The following FBXO21 variants were observed in gnomAD, a reference collection of about 807,000 sequenced individuals.
FBXO21 encodes the protein F-box protein 21.
FBXO21 carries 32 observed loss-of-function variants against 76.6 expected under a neutral mutation model. The ratio of observed to expected loss-of-function variants is 0.42; its 90% CI spans 0.32 to 0.56. FBXO21 has a LOEUF of 0.56. Among genes scored for constraint, FBXO21 ranks in the 20% least tolerant of loss-of-function variants. FBXO21 has a pLI of 0.16. For missense variants in FBXO21, 586 were observed against 797.3 expected, an observed-to-expected ratio of 0.73 and a Z score of 3.19; for synonymous variants, 328 against 311.5, an observed-to-expected ratio of 1.05 and a Z score of -0.56.
At chr12:117,173,274 G>A (rs1469135664) in intron 6 of FBXO21, among the ~76,000 whole-genome samples, 1 of 152,014 alleles carries the variant, frequency 6.6e-6, no homozygotes, top group African/African-American at 2.4e-5. Flanking sequence ...CAGGTGATCC[G>A]CCCACCTCGG....
At chr12:117,166,620 G>C (rs1465775133) in intron 8 of FBXO21, among the ~76,000 whole-genome samples, 1 of 152,178 alleles carries the variant, frequency 6.6e-6, no homozygotes, top group East Asian at 1.9e-4. Flanking sequence ...TTAGAAACAA[G>C]ACAGTTTCAT....
Position 117,182,152 on chromosome 12 carries a change from T to C in FBXO21, c.470+4325A>G, listed in dbSNP as rs553050233. ...GAATGAAAACAAACAGGGTCTTCCA[T>C]GAAAACTGGTATCCCAAAATATTTT... On this transcript the variant is annotated intron_variant, in intron 3 of 11. Coordinates refer to ENST00000622495, the MANE Select transcript of FBXO21 (RefSeq NM_015002.3). Among the ~76,000 whole-genome samples, 280 of 152,328 alleles carry C rather than the reference T, an allele frequency of 1.8e-3. 1 individual carries two copies. The highest frequency in any genetic ancestry group is 2.9e-3 in the Admixed American group (45 of 15,294).
At position 117,174,318 on chromosome 12, in the gene FBXO21, T is replaced by C; in HGVS notation, c.763A>G (p.Ile255Val). Reference protein sequence around the residue: ...KAGESSMIMEIELQSQVLDAM... With the variant: ...KAGESSMIMEVELQSQVLDAM... The stretch of plus-strand genomic sequence containing the variant: ...TCCAGCACCTGGCTCTGGAGTTCTA[T>C]TTCCATTATCATGGATGATTCACCT... The change falls in exon 6 of 12, where the codon ATA (isoleucine) becomes GTA (valine). Residue 255 changes from isoleucine (I) to valine (V), a missense_variant. Ile to Val is a conservative substitution (Grantham distance 29). Around this residue, in one of 6 missense-constraint regions of FBXO21, gnomAD observed 246 missense variants for 356.8 expected, o/e 0.69. Coordinates refer to ENST00000622495, the MANE Select transcript of FBXO21 (RefSeq NM_015002.3). 1.2e-6 allele frequency: 2 copies of C among 1,614,070 alleles called. No homozygotes were observed. The highest frequency in any genetic ancestry group is 1.7e-5 in the Admixed American group (1 of 60,008).
Position 117,144,060 on chromosome 12 carries a change from T to C in FBXO21, c.*2027A>G, listed in dbSNP as rs949395256. 6.6e-6 allele frequency: 1 copy of C among 152,566 alleles called. No individual in the cohort carries two copies. The highest frequency in any genetic ancestry group is 2.4e-5 in the African/African-American group (1 of 41,432). 9.5% of individuals were successfully genotyped at this position (152,566 alleles called of 1,614,324 possible). On this transcript the variant is annotated 3_prime_UTR_variant, in exon 12 of 12. Coordinates refer to ENST00000622495, the MANE Select transcript of FBXO21 (RefSeq NM_015002.3). Reference sequence around the variant, plus strand: ...GTGATACAGGCTTCCTGGAGCCCCATGAAGCATTCATGAAGAAAGACATTT... The same window carrying C: ...GTGATACAGGCTTCCTGGAGCCCCACGAAGCATTCATGAAGAAAGACATTT...
At chr12:117,175,629 T>A (rs893725530) in intron 4 of FBXO21, among the ~76,000 whole-genome samples, 2 of 152,188 alleles carry the variant, frequency 1.3e-5, no homozygotes, top group Non-Finnish European at 2.9e-5. Flanking sequence ...CCAGGGACTG[T>A]CTCCTCGGCC....
intron 6 of FBXO21, among the ~76,000 whole-genome samples, chr12:117,173,622 T>G (rs1293542641): frequency 6.6e-6 from 1 of 152,206 alleles, no homozygotes; most frequent in African/African-American, 2.4e-5. Context: ...TTTTACAGTT[T>G]AGTGTTCACA....
At chr12:117,171,091 C>T (rs775623138) in intron 7 of FBXO21, among the ~76,000 whole-genome samples, 3 of 152,176 alleles carry the variant, frequency 2.0e-5, no homozygotes, top group Admixed American at 6.5e-5. Flanking sequence ...CAGCCAGGCG[C>T]GGTGGCTCAC....
chr12:117,188,475 T>A (rs946495530), intron 2 of FBXO21, among the ~76,000 whole-genome samples: 15 of 151,194 alleles, frequency 9.9e-5, no homozygotes, highest in African/African-American at 3.2e-4. Context: ...AGCCCAGGAG[T>A]AGGAGGTTGC....
In FBXO21 at chr12:117,148,549, G is replaced by T. The variant is rs553833494; in HGVS notation, c.1676-2272C>A. ...TGGATCAGGGGTTGCTCCATGACGTGGCACAGTGGCACAGAGTTTAAACTG... is the reference window on the plus strand; with the variant it reads ...TGGATCAGGGGTTGCTCCATGACGTTGCACAGTGGCACAGAGTTTAAACTG... On this transcript the variant is annotated intron_variant, in intron 11 of 11. Coordinates refer to ENST00000622495, the MANE Select transcript of FBXO21 (RefSeq NM_015002.3). Among the ~76,000 whole-genome samples the T allele has an allele frequency of 1.2e-3, 184 of 152,352 alleles. 1 individual carries two copies. Among genetic ancestry groups the T allele is most frequent in the Non-Finnish European group, 1.7e-3 (117 of 68,036 alleles).
At chr12:117,150,364 G>A (rs184226823) in intron 11 of FBXO21, among the ~76,000 whole-genome samples, 95 of 152,310 alleles carry the variant, frequency 6.2e-4, no homozygotes, top group South Asian at 3.7e-3. Flanking sequence ...CTACCCATGA[G>A]TCCTGTGTGG....
rs1377458807 is a variant in FBXO21 at position 117,144,966 on chromosome 12, A to G, written c.*1121T>C. On this transcript the variant is annotated 3_prime_UTR_variant, in exon 12 of 12. Transcript: ENST00000622495. ...CACAAGTCCAACACTCTTCAAATGAAAGACATTCTCTCTCTTTCTAACCTG... is the reference window on the plus strand; with the variant it reads ...CACAAGTCCAACACTCTTCAAATGAGAGACATTCTCTCTCTTTCTAACCTG... 6.6e-6 allele frequency: 1 copy of G among 152,198 alleles called. No homozygotes were observed. Among genetic ancestry groups the G allele is most frequent in the East Asian group, 1.9e-4 (1 of 5,196 alleles). 9.4% of individuals were successfully genotyped at this position (152,198 alleles called of 1,614,324 possible).
Position 117,167,014 on chromosome 12 carries a change from T to G in FBXO21, c.1077A>C (p.Thr359=). 6.2e-7 allele frequency: 1 copy of G among 1,614,156 alleles called. No homozygotes were observed. The highest frequency in any genetic ancestry group is 8.5e-7 in the Non-Finnish European group (1 of 1,180,010). Residue 359 remains threonine (T), a synonymous_variant, in exon 8 of 12, where the codon ACA becomes ACC. Transcript: ENST00000622495. ...IDAFGKGKQL[T]VKECEYLIGQ... ...CGATCAAGTACTCGCATTCTTTCAC[T>G]GTCAGCTGCTTGCCTTTCCCAAAAG...
intron 3 of FBXO21, among the ~76,000 whole-genome samples, chr12:117,178,895 T>G (rs1014838173): frequency 6.6e-6 from 1 of 152,100 alleles, no homozygotes. Context: ...ATAAGCCCCA[T>G]GAAGGCAGGG....
intron 9 of FBXO21, among the ~76,000 whole-genome samples, chr12:117,158,817 T>C (rs1193508457): frequency 2.6e-5 from 4 of 152,190 alleles, no homozygotes; most frequent in Non-Finnish European, 2.9e-5. Flanking sequence ...ACTCCACTAT[T>C]ACCGCCTCTA....
intron 9 of FBXO21, among the ~76,000 whole-genome samples, chr12:117,163,478 A>G (rs1346498222): frequency 6.6e-6 from 1 of 152,194 alleles, no homozygotes; most frequent in Non-Finnish European, 1.5e-5. Context: ...GGTGGCAGTG[A>G]GCCAAGATTG....
At chr12:117,148,978 C>CAA (rs1955809487) in intron 11 of FBXO21, among the ~76,000 whole-genome samples, 1 of 152,176 alleles carries the variant, frequency 6.6e-6, no homozygotes, top group South Asian at 2.1e-4. Context: ...CAAAATGCTG[C>CAA]AAATGTTTCA....
chr12:117,175,692 T>C (rs113150713), intron 4 of FBXO21, among the ~76,000 whole-genome samples: 1 of 152,316 alleles, frequency 6.6e-6, no homozygotes, highest in African/African-American at 2.4e-5. Flanking sequence ...ATGCTGCACA[T>C]TTCTGAAGTC....
chr12:117,175,629 T>C (rs893725530), intron 4 of FBXO21, among the ~76,000 whole-genome samples: 1 of 152,188 alleles, frequency 6.6e-6, no homozygotes, highest in Admixed American at 6.5e-5. Flanking sequence ...CCAGGGACTG[T>C]CTCCTCGGCC....
chr12:117,186,911 G>C (rs1197778509), intron 2 of FBXO21, among the ~76,000 whole-genome samples: 4 of 152,224 alleles, frequency 2.6e-5, no homozygotes, highest in Non-Finnish European at 2.9e-5. Flanking sequence ...CAGATAACCT[G>C]AGGTAAGGAG....
Sources: allele counts gnomAD v4.1 joint callset (sites outside exome capture counted in the v4.1 genomes callset), GRCh38; gene constraint gnomAD v4.1.1; regional missense constraint gnomAD v4.1.1; transcripts MANE v1.5; gene names NCBI Gene and HGNC (gene_info 2026-07-23, HGNC 2026-07-21).